OVOL2: variants seen among roughly 807,000 people sequenced by gnomAD.
OVOL2 encodes ovo like zinc finger 2, also known as transcription factor Ovo-like 2.
OVOL2 carries 13 observed loss-of-function variants against 18.1 expected under a neutral mutation model. The observed-to-expected ratio is 0.72, with a 90% CI of 0.47 to 1.14. OVOL2 has a LOEUF of 1.14. Among genes scored for constraint, OVOL2 ranks in the 50% most tolerant of loss-of-function variants. The pLI, the probability that OVOL2 is intolerant of heterozygous loss-of-function variation, is 0.00. For synonymous variants in OVOL2, 166 were observed against 162.7 expected, an observed-to-expected ratio of 1.02 and a Z score of -0.16; for missense variants, 335 against 383.0, an observed-to-expected ratio of 0.87 and a Z score of 1.05.
intron 2 of OVOL2, among the ~76,000 whole-genome samples, chr20:18,042,726 A>G (rs1302206226): frequency 6.9e-6 from 1 of 145,300 alleles, no homozygotes; most frequent in Non-Finnish European, 1.5e-5. Context: ...CGGTGAGCCA[A>G]GATCGGGCTA....
Position 18,025,619 on chromosome 20 carries a change from C to T in OVOL2, c.512-667G>A, listed in dbSNP as rs143318575. Among the ~76,000 whole-genome samples, 860 of 152,136 alleles carry T rather than the reference C, an allele frequency of 5.7e-3. 9 individuals are homozygous for T. Among genetic ancestry groups the T allele is most frequent in the African/African-American group, 0.02 (816 of 41,484 alleles). ...GAAACAGAGCCTGGGACAAAGATTC[C>T]AGTACAAGTAGTTTATTTGAGAGGT... On this transcript the variant is annotated intron_variant, in intron 3 of 3. Coordinates refer to ENST00000278780, the MANE Select transcript of OVOL2 (RefSeq NM_021220.4).
chr20:18,032,472 GA>G (rs1568632729), intron 3 of OVOL2, among the ~76,000 whole-genome samples: 48 of 151,976 alleles, frequency 3.2e-4, no homozygotes, highest in African/African-American at 1.0e-3. Flanking sequence ...ACAGTCCCTC[GA>G]TACTGGAAAT....
In OVOL2 at chr20:18,056,870, T is replaced by C. The variant is rs1039188062; in HGVS notation, c.108A>G (p.Leu36=). The change falls in exon 2 of 4, where the codon CTA becomes CTG. Residue 36 remains leucine, a synonymous_variant. Transcript: ENST00000278780. The surrounding 1 kb of genome is among the most constrained non-coding windows in gnomAD (Gnocchi z 4.2). ...CGGGGGGGTCGTGGAGCAGGCGGCCTAGGCCCACTGTGGAGGGAGGGGCCG... is the reference window on the plus strand; with the variant it reads ...CGGGGGGGTCGTGGAGCAGGCGGCCCAGGCCCACTGTGGAGGGAGGGGCCG... ...KRADTYIPVG[L]GRLLHDPPED... is the part of the protein sequence containing the mutation. The C allele has an allele frequency of 1.3e-5, 19 of 1,485,744 alleles. No homozygotes were observed. Among genetic ancestry groups the C allele is most frequent in the Non-Finnish European group, 1.5e-5 (17 of 1,126,276 alleles). 92.0% of individuals were successfully genotyped at this position (1,485,744 alleles called of 1,614,324 possible).
chr20:18,038,950 A>G (rs999541394), intron 3 of OVOL2, among the ~76,000 whole-genome samples: 4 of 152,024 alleles, frequency 2.6e-5, no homozygotes, highest in African/African-American at 9.7e-5. Flanking sequence ...CCTCTCCCTA[A>G]GCATTCTCCT....
At position 18,056,566 on chromosome 20, in the gene OVOL2, C is replaced by A; in HGVS notation, c.321+91G>T. ...CTCGGGGCGCGGGTGCCGGGTTGCG[C>A]AGGCGGGCGCGGCAGGGAGGGGCGC... On this transcript the variant is annotated intron_variant, in intron 2 of 3. Transcript: ENST00000278780. The surrounding 1 kb of genome is among the most constrained non-coding windows in gnomAD (Gnocchi z 4.2). 1 of 1,227,134 alleles carries A rather than the reference C, an allele frequency of 8.1e-7. No individual in the cohort carries two copies. Among genetic ancestry groups the A allele is most frequent in the South Asian group, 3.3e-5 (1 of 30,018 alleles). The allele number at this position is 1,227,134 out of a possible 1,614,324, so 76.0% of individuals were successfully genotyped here. A position where few individuals can be genotyped will look rare whatever the true frequency, so the allele number is the denominator to read the frequency against.
At chr20:18,030,597 C>G (rs999377326) in intron 3 of OVOL2, among the ~76,000 whole-genome samples, 1 of 152,206 alleles carries the variant, frequency 6.6e-6, no homozygotes, top group African/African-American at 2.4e-5. Flanking sequence ...CCAGCAAGGC[C>G]TGGATAGCAA....
Position 18,056,882 on chromosome 20 carries a change from G to A in OVOL2, c.101-5C>T. On this transcript the variant is annotated splice_region_variant and splice_polypyrimidine_tract_variant and intron_variant, in intron 1 of 3. Coordinates refer to ENST00000278780, the MANE Select transcript of OVOL2 (RefSeq NM_021220.4). The surrounding 1 kb of genome is among the most constrained non-coding windows in gnomAD (Gnocchi z 4.2). ...GGAGCAGGCGGCCTAGGCCCACTGTGGAGGGAGGGGCCGCGCCCCGACACA... is the reference window on the plus strand; with the variant it reads ...GGAGCAGGCGGCCTAGGCCCACTGTAGAGGGAGGGGCCGCGCCCCGACACA... 1 of 1,481,610 alleles carries A rather than the reference G, an allele frequency of 6.7e-7. No homozygotes were observed. The highest frequency in any genetic ancestry group is 1.3e-5 in the South Asian group (1 of 78,496). 91.8% of individuals were successfully genotyped at this position (1,481,610 alleles called of 1,614,324 possible).
intron 3 of OVOL2, among the ~76,000 whole-genome samples, chr20:18,031,889 C>T (rs2036573606): frequency 6.6e-6 from 1 of 152,174 alleles, no homozygotes; most frequent in African/African-American, 2.4e-5. Context: ...GCCATACATC[C>T]TCAAGGAAAA....
At chr20:18,053,941 G>A (rs925743490) in intron 2 of OVOL2, among the ~76,000 whole-genome samples, 1 of 152,072 alleles carries the variant, frequency 6.6e-6, no homozygotes, top group Non-Finnish European at 1.5e-5. Flanking sequence ...GCGGGACTCA[G>A]CCCACACTGC....
chr20:18,052,020 A>G (rs2036775942), intron 2 of OVOL2, among the ~76,000 whole-genome samples: 1 of 152,148 alleles, frequency 6.6e-6, no homozygotes, highest in Admixed American at 6.5e-5. Flanking sequence ...GATTACAGGC[A>G]TGAGCTATGG....
rs1251026430 is a variant in OVOL2 at position 18,056,430 on chromosome 20, A to C, written c.321+227T>G. On this transcript the variant is annotated intron_variant, in intron 2 of 3. Transcript: ENST00000278780. This position sits in a 1 kb window ranked among gnomAD's most constrained non-coding sequence, Gnocchi z 4.2. The stretch of plus-strand genomic sequence containing the variant: ...CGGGGCCACCGGGAGGACGGAGCCC[A>C]CTCCGGGAACCGGCCGCCCCTGCGC... Among the ~76,000 whole-genome samples the C allele has an allele frequency of 6.6e-6, 1 of 151,794 alleles. No individual in the cohort carries two copies. The highest frequency in any genetic ancestry group is 2.1e-4 in the South Asian group (1 of 4,816).
Position 18,024,854 on chromosome 20 carries a change from A to T in OVOL2, c.610T>A (p.Tyr204Asn), listed in dbSNP as rs1568629604. Residue 204 changes from tyrosine (Y) to asparagine (N), a missense_variant, in exon 4 of 4, where the codon TAT (tyrosine) becomes AAT (asparagine). Tyr to Asn is a moderately radical substitution (Grantham distance 143, BLOSUM62 -2). Coordinates refer to ENST00000278780, the MANE Select transcript of OVOL2 (RefSeq NM_021220.4). The part of the protein sequence containing the change: ...LKKIHGVQQQ[Y>N]AYKQRRDKLY... ...TTGTCCCGCCGCTGCTTATAGGCAT[A>T]CTGCTGCTGCACCCCATGGATTTTC... 6.2e-7 allele frequency: 1 copy of T among 1,614,198 alleles called. No homozygotes were observed. Among genetic ancestry groups the T allele is most frequent in the Non-Finnish European group, 8.5e-7 (1 of 1,180,036 alleles).
At chr20:18,029,955 G>A (rs2036553052) in intron 3 of OVOL2, among the ~76,000 whole-genome samples, 2 of 152,164 alleles carry the variant, frequency 1.3e-5, no homozygotes, top group South Asian at 2.1e-4. Flanking sequence ...ACTCCAGCCT[G>A]GGCGAGAGTG....
At chr20:18,043,808 T>C (rs897938581) in intron 2 of OVOL2, among the ~76,000 whole-genome samples, 4 of 152,346 alleles carry the variant, frequency 2.6e-5, no homozygotes, top group South Asian at 2.1e-4. Flanking sequence ...ATCTGGGTGA[T>C]AAAAATGATG....
intron 3 of OVOL2, among the ~76,000 whole-genome samples, chr20:18,034,880 G>T: frequency 6.6e-6 from 1 of 151,996 alleles, no homozygotes; most frequent in Non-Finnish European, 1.5e-5. Flanking sequence ...GGGGAGTCGG[G>T]GGTGGTGCAG....
Position 18,057,779 on chromosome 20 carries a change from C to A in OVOL2, c.-145G>T, listed in dbSNP as rs966083510. 6.4e-5 allele frequency: 90 copies of A among 1,409,072 alleles called. No homozygotes were observed. The highest frequency in any genetic ancestry group is 2.8e-5 in the East Asian group (1 of 35,340). 87.3% of individuals were successfully genotyped at this position (1,409,072 alleles called of 1,614,324 possible). On this transcript the variant is annotated 5_prime_UTR_variant, in exon 1 of 4. Coordinates refer to ENST00000278780, the MANE Select transcript of OVOL2 (RefSeq NM_021220.4). The surrounding 1 kb of genome is among the most constrained non-coding windows in gnomAD (Gnocchi z 6.3). ...CCTCTTCCTCCACCCCCCGCCGCGG[C>A]GCGGCCCAGGCCTCTCCCCCGCACG...
rs758024831 is a variant in OVOL2, at chr20:18,024,675, C to T, written c.789G>A (p.Gln263=). ...CCTCCTCACTCAGGCTGGTATTCTC[C>T]TGGTGTGCGGATGTCAGCTTGCCCT... The part of the protein sequence containing the change: ...LLQGKLTSAH[Q]ENTSLSEEEE... Residue 263 remains glutamine (Q), a synonymous_variant, in exon 4 of 4, where the codon CAG becomes CAA. Transcript: ENST00000278780. 3.7e-6 allele frequency: 6 copies of T among 1,613,626 alleles called. No homozygotes were observed. Among genetic ancestry groups the T allele is most frequent in the South Asian group, 1.1e-5 (1 of 90,988 alleles).
intron 3 of OVOL2, among the ~76,000 whole-genome samples, chr20:18,026,950 G>A (rs1438562898): frequency 1.3e-5 from 2 of 152,120 alleles, no homozygotes; most frequent in Non-Finnish European, 2.9e-5. Context: ...ACTACCAGAG[G>A]GCGGACAGAG....
At chr20:18,051,378 G>A (rs1357400450) in intron 2 of OVOL2, among the ~76,000 whole-genome samples, 6 of 152,056 alleles carry the variant, frequency 3.9e-5, no homozygotes, top group Non-Finnish European at 7.3e-5. Flanking sequence ...CCAAGCAGTA[G>A]ATGAGGCAAA....
Sources: gnomAD v4.1 joint callset for allele counts (sites outside exome capture counted in the v4.1 genomes callset) on GRCh38, gnomAD v4.1.1 for gene constraint, Gnocchi (gnomAD v3.1) non-coding constraint, MANE v1.5 for transcripts, NCBI Gene and HGNC (gene_info 2026-07-23, HGNC 2026-07-21) for gene names.